Variants in KANSL1L observed in about 807,000 individuals in gnomAD.
KANSL1L encodes the protein KAT8 regulatory NSL complex subunit 1 like, also known as KAT8 regulatory NSL complex subunit 1-like protein.
Under a neutral mutation model 108.6 loss-of-function variants are expected in KANSL1L, and 25 were observed. The observed-to-expected ratio is 0.23, with a 90% CI of 0.17 to 0.32. KANSL1L has a LOEUF of 0.32. KANSL1L is among the 10% of genes least tolerant of loss of function. The probability of loss-of-function intolerance (pLI) is 1.00; values close to 1 mark genes in which losing one functional copy is unlikely to be tolerated. For missense variants in KANSL1L, 1,137 were observed against 1,125.7 expected, an observed-to-expected ratio of 1.01 and a Z score of -0.14; for synonymous variants, 405 against 395.1, an observed-to-expected ratio of 1.03 and a Z score of -0.30.
chr2:210,171,995 TAA>T (rs71043977), upstream of KANSL1L, among the ~76,000 whole-genome samples: 1 of 145,648 alleles, frequency 6.9e-6, no homozygotes, highest in African/African-American at 2.5e-5. Flanking sequence ...GTTTTATGAT[TAA>T]AAAAAAAAAA....
chr2:210,030,037 C>T (rs368125587), intron 9 of KANSL1L, 119 bp from the exon 10 acceptor site: 4 of 465,710 alleles, frequency 8.6e-6, no homozygotes, highest in African/African-American at 4.0e-5. Context: ...TGTTTAAATT[C>T]GTGTATTAGA....
intron 8 of KANSL1L, 21 bp downstream of exon 8, chr2:210,040,399 A>G: frequency 9.1e-7 from 1 of 1,102,824 alleles, no homozygotes; most frequent in East Asian, 2.4e-5. Flanking sequence ...ATAGAGTACA[A>G]GAACTGTAAA....
Position 210,098,146 on chromosome 2 carries a change from G to A in KANSL1L, c.1490C>T (p.Ser497Leu). Reference protein sequence around the residue: ...LIAPLNLSPTSSPLSSKSCSH... With the variant: ...LIAPLNLSPTLSPLSSKSCSH... ...ACAGGATTTGGAAGAGAGGGGTGAT[G>A]AAGTTGGGGACAAGTTGAGAGGGGC... The change falls in exon 5 of 15, where the codon TCA becomes TTA. Residue 497 changes from serine to leucine, a missense_variant. Ser to Leu is a moderately radical substitution (Grantham distance 145). Around this residue, in one of 3 missense-constraint regions of KANSL1L, gnomAD observed 575 missense variants for 567.1 expected, o/e 1.01. Transcript: ENST00000281772. The A allele has an allele frequency of 6.2e-7, 1 of 1,612,332 alleles. No homozygotes were observed. Among genetic ancestry groups the A allele is most frequent in the Non-Finnish European group, 8.5e-7 (1 of 1,179,012 alleles).
At chr2:210,025,251 G>T in intron 12 of KANSL1L, 35 bp from the exon 13 acceptor site, 1 of 1,260,408 alleles carries the variant, frequency 7.9e-7, no homozygotes, top group Non-Finnish European at 1.2e-6. Context: ...GTTTTAATCA[G>T]AAACATTTTG....
chr2:210,098,662 T>C (rs2094762497), intron 4 of KANSL1L, among the ~76,000 whole-genome samples: 1 of 152,038 alleles, frequency 6.6e-6, no homozygotes, highest in South Asian at 2.1e-4. Context: ...CTATTATTAA[T>C]AACAGAACAG....
At chr2:210,060,908 G>T (rs114199997) in intron 6 of KANSL1L, among the ~76,000 whole-genome samples, 1,738 of 152,260 alleles carry the variant, frequency 0.011, 34 homozygotes, top group African/African-American at 0.037. Flanking sequence ...ATATCACATT[G>T]ATTTATTTAT....
In KANSL1L at chr2:210,031,797, A is replaced by C. The variant is rs80333475; in HGVS notation, c.2030-251T>G. Among the ~76,000 whole-genome samples, 146 of 152,306 alleles carry C rather than the reference A, an allele frequency of 9.6e-4. No homozygotes were observed. The East Asian group carries it at 0.011, about 12-fold the overall frequency. ...GTTCTCAAAGTCTTCCAAATTACAG[A>C]AACTTGATAGAGTGAGGATTGGCTC... On this transcript the variant is annotated intron_variant, in intron 8 of 14. Transcript: ENST00000281772.
chr2:210,042,398 G>A (rs531321052), intron 7 of KANSL1L, among the ~76,000 whole-genome samples: 2 of 152,282 alleles, frequency 1.3e-5, no homozygotes, highest in East Asian at 3.9e-4. Context: ...ATTAGAGGGG[G>A]CATAAGAGTC....
At chr2:210,046,248 C>T (rs997374474) in intron 6 of KANSL1L, among the ~76,000 whole-genome samples, 2 of 152,130 alleles carry the variant, frequency 1.3e-5, no homozygotes, top group African/African-American at 4.8e-5. Context: ...AGCATTGCAT[C>T]CAAGCCCCCC....
chr2:210,150,755 G>A (rs1415964776), intron 2 of KANSL1L, among the ~76,000 whole-genome samples: 4 of 149,646 alleles, frequency 2.7e-5, no homozygotes, highest in Admixed American at 2.0e-4. Context: ...GCACTCCAGC[G>A]TGGGCAACAA....
intron 3 of KANSL1L, among the ~76,000 whole-genome samples, chr2:210,117,230 A>G (rs922949325): frequency 5.9e-5 from 9 of 152,190 alleles, no homozygotes; most frequent in African/African-American, 2.2e-4. Context: ...AAAAAGTAAT[A>G]AAGCACACCT....
At chr2:210,055,063 CAT>C (rs755261461) in intron 6 of KANSL1L, among the ~76,000 whole-genome samples, 13 of 152,302 alleles carry the variant, frequency 8.5e-5, no homozygotes, top group Non-Finnish European at 1.6e-4. Context: ...ATAATCCCCA[CAT>C]GTCATGGGAG....
intron 3 of KANSL1L, among the ~76,000 whole-genome samples, chr2:210,115,105 G>A (rs1314243223): frequency 2.0e-5 from 3 of 152,068 alleles, no homozygotes; most frequent in Non-Finnish European, 2.9e-5. Flanking sequence ...TAGTAATTAC[G>A]TTAAGTGTAA....
intron 11 of KANSL1L, 63 bp downstream of exon 11, chr2:210,028,781 CT>C: frequency 8.2e-7 from 1 of 1,216,578 alleles, no homozygotes. Flanking sequence ...AAATTCTTCA[CT>C]TTGAAAATTT....
intron 5 of KANSL1L, among the ~76,000 whole-genome samples, chr2:210,082,097 C>A (rs1190732394): frequency 6.6e-6 from 1 of 152,138 alleles, no homozygotes; most frequent in Non-Finnish European, 1.5e-5. Flanking sequence ...CCATGCCTGG[C>A]TAATTTTTTA....
intron 2 of KANSL1L, among the ~76,000 whole-genome samples, chr2:210,130,686 T>G (rs1192961046): frequency 1.3e-5 from 2 of 152,210 alleles, no homozygotes; most frequent in Admixed American, 6.5e-5. Flanking sequence ...ATAAAATACC[T>G]ATTCAAAATA....
At chr2:210,066,775 C>A (rs1241381785) in intron 6 of KANSL1L, among the ~76,000 whole-genome samples, 2 of 152,202 alleles carry the variant, frequency 1.3e-5, no homozygotes, top group South Asian at 2.1e-4. Context: ...AAATATACCA[C>A]AATTCTGCTG....
At position 210,025,116 on chromosome 2, in the gene KANSL1L, C is replaced by T. The variant is rs746016798; in HGVS notation, c.2552G>A (p.Arg851Lys). ...WSLWEQSKWH[R>K]RNSRAYSKNV... ...ATTTGTAACCTGCCTGCTGTTTCTT[C>T]TGTGCCACTTGCTTTGCTCCCATAG... The change falls in exon 13 of 15, where the codon AGA (arginine) becomes AAA (lysine). Residue 851 changes from arginine (R) to lysine (K), a missense_variant. Arg to Lys is a conservative substitution (Grantham distance 26). Transcript: ENST00000281772. The T allele has an allele frequency of 1.0e-5, 16 of 1,606,916 alleles. No individual in the cohort carries two copies. The African/African-American group carries it at 1.1e-4, about 11-fold the overall frequency.
chr2:210,054,204 C>T (rs2094324224), intron 6 of KANSL1L, among the ~76,000 whole-genome samples: 1 of 151,516 alleles, frequency 6.6e-6, no homozygotes, highest in Non-Finnish European at 1.5e-5. Flanking sequence ...CGCCTGTAGT[C>T]CCAGCTACTT....
Sources: allele counts gnomAD v4.1 joint callset (sites outside exome capture counted in the v4.1 genomes callset), GRCh38; gene constraint gnomAD v4.1.1; regional missense constraint gnomAD v4.1.1; transcripts MANE v1.5; gene names NCBI Gene and HGNC (gene_info 2026-07-23, HGNC 2026-07-21).